Variants in STXBP5L observed in about 807,000 individuals in gnomAD.
STXBP5L encodes the protein syntaxin binding protein 5L, also known as syntaxin-binding protein 5-like.
Under a neutral mutation model 144.5 loss-of-function variants are expected in STXBP5L, and 65 were observed. That is an observed-to-expected ratio of 0.45 (90% CI 0.37 to 0.55). The LOEUF (loss-of-function observed/expected upper bound fraction) is 0.55. Among genes scored for constraint, STXBP5L ranks in the 20% least tolerant of loss-of-function variants. The pLI, the probability that STXBP5L is intolerant of heterozygous loss-of-function variation, is 0.00. For missense variants in STXBP5L, 1,298 were observed against 1,405.5 expected (o/e 0.92, Z 1.22); for synonymous variants, 505 against 469.6 (o/e 1.08, Z -0.97).
intron 7 of STXBP5L, among the ~76,000 whole-genome samples, chr3:121,151,871 T>C (rs2045945095): frequency 6.6e-6 from 1 of 152,086 alleles, no homozygotes; most frequent in Admixed American, 6.6e-5. Context: ...TTAAAGATGA[T>C]CATATTATAA....
intron 9 of STXBP5L, among the ~76,000 whole-genome samples, chr3:121,169,152 C>T (rs1260384259): frequency 6.6e-6 from 1 of 152,178 alleles, no homozygotes; most frequent in Non-Finnish European, 1.5e-5. Flanking sequence ...AAGATGCTGT[C>T]CCCACCAGGC....
At chr3:121,068,061 G>T (rs2041631501) in intron 5 of STXBP5L, among the ~76,000 whole-genome samples, 1 of 152,222 alleles carries the variant, frequency 6.6e-6, no homozygotes, top group African/African-American at 2.4e-5. Flanking sequence ...CCAGGCTGGA[G>T]TGCAGTGGCA....
At chr3:121,156,084 C>G (rs1049531955) in intron 8 of STXBP5L, among the ~76,000 whole-genome samples, 1 of 151,902 alleles carries the variant, frequency 6.6e-6, no homozygotes, top group Non-Finnish European at 1.5e-5. Flanking sequence ...CTCTAACTTC[C>G]TCTGCTGGAC....
intron 10 of STXBP5L, among the ~76,000 whole-genome samples, chr3:121,210,000 A>ACTCACCACACTGT (rs1356461958): frequency 6.6e-6 from 1 of 152,110 alleles, no homozygotes; most frequent in Non-Finnish European, 1.5e-5. Flanking sequence ...CTCCTTGAGG[A>ACTCACCACACTGT]CTCACCACAC....
Position 120,909,632 on chromosome 3 carries a change from T to G in STXBP5L, c.54T>G (p.Pro18=). The G allele has an allele frequency of 6.2e-7, 1 of 1,613,694 alleles. No individual in the cohort carries two copies. Among genetic ancestry groups the G allele is most frequent in the East Asian group, 2.2e-5 (1 of 44,814 alleles). Residue 18 remains proline (P), a synonymous_variant, in exon 2 of 27, where the codon CCT becomes CCG. Transcript: ENST00000471454. ...KVLDGLTASS[P]GSGSSSGSNS... Reference sequence around the variant, plus strand: ...TGGATGGCTTAACTGCCTCCTCCCCTGGCAGTGGTAGCAGCAGTGGCAGTA... The same window carrying G: ...TGGATGGCTTAACTGCCTCCTCCCCGGGCAGTGGTAGCAGCAGTGGCAGTA...
chr3:120,999,104 G>A (rs1006819554), intron 3 of STXBP5L, among the ~76,000 whole-genome samples: 1 of 152,150 alleles, frequency 6.6e-6, no homozygotes, highest in Non-Finnish European at 1.5e-5. Context: ...CCAGGCTGGA[G>A]TGCAGTGGCA....
intron 3 of STXBP5L, among the ~76,000 whole-genome samples, chr3:120,965,661 G>T (rs1463829142): frequency 1.3e-5 from 2 of 152,138 alleles, no homozygotes; most frequent in African/African-American, 4.8e-5. Context: ...AGTCTGATGG[G>T]CTTCCCTTTG....
At chr3:121,054,003 C>G (rs1200053155) in intron 5 of STXBP5L, among the ~76,000 whole-genome samples, 1 of 152,180 alleles carries the variant, frequency 6.6e-6, no homozygotes. Flanking sequence ...CTCATCATCA[C>G]TGGCCATCAG....
chr3:121,111,212 T>C (rs1171316138), intron 5 of STXBP5L, among the ~76,000 whole-genome samples: 2 of 152,206 alleles, frequency 1.3e-5, no homozygotes, highest in African/African-American at 4.8e-5. Flanking sequence ...AGTTCATTAT[T>C]ACCCACCTTC....
At chr3:120,971,219 C>T (rs1245512068) in intron 3 of STXBP5L, among the ~76,000 whole-genome samples, 1 of 152,068 alleles carries the variant, frequency 6.6e-6, no homozygotes, top group African/African-American at 2.4e-5. Flanking sequence ...GTTGCTTTTA[C>T]AATTTTATTT....
At chr3:121,179,999 T>A (rs922457064) in intron 9 of STXBP5L, among the ~76,000 whole-genome samples, 2 of 152,182 alleles carry the variant, frequency 1.3e-5, no homozygotes, top group African/African-American at 4.8e-5. Flanking sequence ...AATAAAAAGT[T>A]TGGAAAATTT....
intron 3 of STXBP5L, among the ~76,000 whole-genome samples, chr3:121,008,218 G>T (rs907302414): frequency 6.6e-6 from 1 of 151,928 alleles, no homozygotes; most frequent in Admixed American, 6.6e-5. Context: ...ACCACTTTTA[G>T]TAGCAACAAC....
chr3:121,152,523 A>G lies in STXBP5L; in HGVS notation c.716A>G (p.Lys239Arg), dbSNP rs2045966421. ...GGTACTGTAGTATTCTGGGACTTGA[A>G]ATCTAAAAGAGCAGAACTGAGAGTT... The part of the protein sequence containing the change: ...ENGTVVFWDL[K>R]SKRAELRVYY... Residue 239 changes from lysine to arginine, a missense_variant, in exon 8 of 27, where the codon AAA (lysine) becomes AGA (arginine). Transcript: ENST00000471454. 4 of 1,609,466 alleles carry G rather than the reference A, an allele frequency of 2.5e-6. No homozygotes were observed. The South Asian group carries it at 4.4e-5, about 18-fold the overall frequency.
intron 19 of STXBP5L, among the ~76,000 whole-genome samples, chr3:121,289,179 A>G (rs2051333025): frequency 6.6e-6 from 1 of 152,180 alleles, no homozygotes; most frequent in Non-Finnish European, 1.5e-5. Context: ...ATGCAAATGG[A>G]CACCAAAAGT....
chr3:121,067,060 TC>T (rs2041584175), intron 5 of STXBP5L, among the ~76,000 whole-genome samples: 1 of 152,104 alleles, frequency 6.6e-6, no homozygotes, highest in South Asian at 2.1e-4. Context: ...TTTTGAGTTA[TC>T]TTTTTTAAAA....
chr3:121,131,435 A>T (rs547521854), intron 7 of STXBP5L, among the ~76,000 whole-genome samples: 124 of 152,328 alleles, frequency 8.1e-4, no homozygotes, highest in African/African-American at 2.9e-3. Context: ...TGAATTTTTC[A>T]AATATTAGAT....
chr3:121,025,301 A>G (rs1945849343), intron 3 of STXBP5L, among the ~76,000 whole-genome samples: 3 of 152,138 alleles, frequency 2.0e-5, no homozygotes, highest in Admixed American at 2.0e-4. Context: ...ACAGCTTAGG[A>G]TGTACACAGT....
intron 19 of STXBP5L, among the ~76,000 whole-genome samples, chr3:121,301,951 T>G (rs1344251948): frequency 1.3e-5 from 2 of 152,196 alleles, no homozygotes; most frequent in African/African-American, 4.8e-5. Flanking sequence ...GGTTTGCCAG[T>G]ATTTTACTGA....
chr3:121,285,396 CTTT>C (rs1419955141), intron 19 of STXBP5L, among the ~76,000 whole-genome samples: 2 of 152,060 alleles, frequency 1.3e-5, no homozygotes, highest in East Asian at 3.9e-4. Flanking sequence ...CTCTAAGTGT[CTTT>C]TTTAAAGTTT....
Sources: allele counts gnomAD v4.1 joint callset (sites outside exome capture counted in the v4.1 genomes callset), GRCh38; gene constraint gnomAD v4.1.1; transcripts MANE v1.5; gene names NCBI Gene and HGNC (gene_info 2026-07-23, HGNC 2026-07-21).